The following STARD9 variants were observed in gnomAD, a reference collection of about 807,000 sequenced individuals.
The protein encoded by STARD9 is StAR related lipid transfer domain containing 9.
In STARD9, 346 loss-of-function variants were observed where a neutral mutation model predicts 399.8. The ratio of observed to expected loss-of-function variants is 0.87; its 90% confidence interval spans 0.79 to 0.95. The LOEUF (loss-of-function observed/expected upper bound fraction) is 0.95, where lower values mean the gene tolerates loss of function less well. STARD9 is among the 40% of genes least tolerant of loss of function. The probability of loss-of-function intolerance (pLI) is 0.00; values close to 1 mark genes in which losing one functional copy is unlikely to be tolerated. For synonymous variants in STARD9, 2,203 were observed against 2,143.5 expected (o/e 1.03, Z -0.77); for missense variants, 5,832 against 5,667.5 (o/e 1.03, Z -0.93).
intron 2 of STARD9, 35 bp from the exon 3 acceptor site, chr15:42,585,486 A>G: frequency 7.0e-7 from 1 of 1,430,696 alleles, no homozygotes; most frequent in Non-Finnish European, 9.5e-7. Flanking sequence ...TAATATTATG[A>G]TAGAAAAGAC....
At chr15:42,674,556 G>T in intron 17 of STARD9, 65 bp downstream of exon 17, 2 of 1,428,796 alleles carry the variant, frequency 1.4e-6, no homozygotes, top group South Asian at 2.5e-5. Context: ...AGGTTTCTTC[G>T]AGGACTTTGA....
At position 42,663,324 on chromosome 15, in the gene STARD9, C is replaced by A. The variant is rs1595728954; in HGVS notation, c.912C>A (p.Ser304Arg). 6 of 1,537,368 alleles carry A rather than the reference C, an allele frequency of 3.9e-6. No individual in the cohort carries two copies. Among genetic ancestry groups the A allele is most frequent in the Non-Finnish European group, 5.2e-6 (6 of 1,146,914 alleles). The change falls in exon 12 of 33, where the codon AGC (serine) becomes AGA (arginine). Residue 304 changes from serine to arginine, a missense_variant. Coordinates refer to ENST00000290607, the MANE Select transcript of STARD9 (RefSeq NM_020759.3). ...TCAGCAGCTGCCAGAGCCTCAACAG[C>A]TCAGTCAGCAATGGTGGTGACAGTG... ...QVFSSCQSLN[S>R]SVSNGGDSGI...
chr15:42,587,115 C>T (rs2058292205), intron 3 of STARD9, among the ~76,000 whole-genome samples: 1 of 152,082 alleles, frequency 6.6e-6, no homozygotes, highest in Non-Finnish European at 1.5e-5. Context: ...CTTGGCCTAC[C>T]AAAGTGCTGG....
chr15:42,648,741 A>G (rs2059695149), intron 7 of STARD9, among the ~76,000 whole-genome samples: 1 of 151,946 alleles, frequency 6.6e-6, no homozygotes, highest in African/African-American at 2.4e-5. Flanking sequence ...GTTCTTAGCC[A>G]TTACCTTTCC....
At chr15:42,584,704 T>G (rs77298618) in intron 2 of STARD9, among the ~76,000 whole-genome samples, 1,860 of 152,320 alleles carry the variant, frequency 0.012, 12 homozygotes, top group Non-Finnish European at 0.019. Context: ...CTTGAGCAGC[T>G]ACATTGCTTC....
intron 3 of STARD9, among the ~76,000 whole-genome samples, chr15:42,609,342 G>C (rs2058802245): frequency 6.6e-6 from 1 of 152,114 alleles, no homozygotes; most frequent in Non-Finnish European, 1.5e-5. Flanking sequence ...CTCAGTCAGT[G>C]TGTCATGAAC....
chr15:42,660,197 T>C (rs1029197021), intron 9 of STARD9, among the ~76,000 whole-genome samples: 1 of 152,208 alleles, frequency 6.6e-6, no homozygotes, highest in Non-Finnish European at 1.5e-5. Context: ...GGGAACAGAA[T>C]GACTGCAAAG....
chr15:42,575,659 G>A lies in STARD9; in HGVS notation c.-57G>A, dbSNP rs1595565439. 6.6e-7 allele frequency: 1 copy of A among 1,524,052 alleles called. No individual in the cohort carries two copies. The highest frequency in any genetic ancestry group is 8.8e-7 in the Non-Finnish European group (1 of 1,136,874). 94.4% of individuals were successfully genotyped at this position (1,524,052 alleles called of 1,614,324 possible). A position where few individuals can be genotyped will look rare whatever the true frequency, so the allele number is the denominator to read the frequency against. ...TTGGGGCTGTGTCTGGGCTTAGGGCGGGGGCCTGGGATGCTGCCGCTGAGC... is the reference window on the plus strand; with the variant it reads ...TTGGGGCTGTGTCTGGGCTTAGGGCAGGGGCCTGGGATGCTGCCGCTGAGC... On this transcript the variant is annotated 5_prime_UTR_variant, in exon 1 of 33. Transcript: ENST00000290607.
intron 3 of STARD9, among the ~76,000 whole-genome samples, chr15:42,614,105 G>A (rs1306636002): frequency 2.6e-5 from 4 of 152,076 alleles, no homozygotes; most frequent in African/African-American, 9.7e-5. Context: ...AAGGTCAGGA[G>A]TTCAAGACTG....
Position 42,691,024 on chromosome 15 carries a change from G to A in STARD9, c.9446G>A (p.Gly3149Glu), listed in dbSNP as rs2060681355. Residue 3149 changes from glycine to glutamate, a missense_variant, in exon 23 of 33, where the codon GGG (glycine) becomes GAG (glutamate). Transcript: ENST00000290607. ...CCACACACCCTGGATTTAAGTGAAG[G>A]GTCTGCTGAGAGCAAGTTGGTGGTA... is the stretch of plus-strand genomic sequence containing the variant. ...QGPHTLDLSE[G>E]SAESKLVVEP... 1 of 1,537,158 alleles carries A rather than the reference G, an allele frequency of 6.5e-7. No individual in the cohort carries two copies. Among genetic ancestry groups the A allele is most frequent in the East Asian group, 2.4e-5 (1 of 40,908 alleles).
At chr15:42,598,968 G>A (rs1011895004) in intron 3 of STARD9, among the ~76,000 whole-genome samples, 1 of 151,972 alleles carries the variant, frequency 6.6e-6, no homozygotes, top group African/African-American at 2.4e-5. Flanking sequence ...GTGTCATCCA[G>A]GCTGGAGTGC....
At chr15:42,645,563 ATT>A (rs773050530) in intron 7 of STARD9, among the ~76,000 whole-genome samples, 21 of 141,054 alleles carry the variant, frequency 1.5e-4, no homozygotes, top group Admixed American at 2.1e-4. Flanking sequence ...GGGCCCTAGG[ATT>A]TTTTTTTTTT....
chr15:42,695,774 C>A lies in STARD9; in HGVS notation c.13178C>A (p.Ser4393Tyr). The A allele has an allele frequency of 6.5e-7, 1 of 1,537,212 alleles. No individual in the cohort carries two copies. Among genetic ancestry groups the A allele is most frequent in the South Asian group, 1.2e-5 (1 of 84,054 alleles). The change falls in exon 26 of 33, where the codon TCC (serine) becomes TAC (tyrosine). Residue 4393 changes from serine to tyrosine, a missense_variant. Coordinates refer to ENST00000290607, the MANE Select transcript of STARD9 (RefSeq NM_020759.3). The stretch of plus-strand genomic sequence containing the variant: ...GATAAACTACATACCTTGGCCAATT[C>A]CAGCTCCCTGTGCACCAGCTCTAAT... Reference protein sequence around the residue: ...EEDKLHTLANSSSLCTSSNGS... With the variant: ...EEDKLHTLANYSSLCTSSNGS...
chr15:42,673,852 C>G (rs909080306), intron 16 of STARD9: 1 of 452,474 alleles, frequency 2.2e-6, no homozygotes, highest in Non-Finnish European at 4.4e-6. Flanking sequence ...TCCCCCTCCT[C>G]TCTTACACTC....
At chr15:42,589,473 G>A (rs1252728448) in intron 3 of STARD9, among the ~76,000 whole-genome samples, 1 of 152,040 alleles carries the variant, frequency 6.6e-6, no homozygotes. Flanking sequence ...ATTTCCCCAG[G>A]CCCTCACAAT....
At chr15:42,665,477 A>T (rs2060080945) in intron 14 of STARD9, 147 bp downstream of exon 14, 6 of 684,410 alleles carry the variant, frequency 8.8e-6, no homozygotes, top group South Asian at 7.7e-5. Flanking sequence ...CAAAACAGAG[A>T]TTTCTCTGAT....
chr15:42,673,843 C>T, intron 16 of STARD9: 2 of 445,146 alleles, frequency 4.5e-6, no homozygotes, highest in Non-Finnish European at 9.0e-6. Context: ...ACTCCAGTTT[C>T]CCCCTCCTCT....
At chr15:42,614,409 C>G (rs1295350773) in intron 3 of STARD9, among the ~76,000 whole-genome samples, 1 of 151,988 alleles carries the variant, frequency 6.6e-6, no homozygotes, top group Admixed American at 6.6e-5. Context: ...AGAGCAAAAC[C>G]GAATGGCCCA....
chr15:42,646,888 A>G (rs1475763854), intron 7 of STARD9, among the ~76,000 whole-genome samples: 1 of 152,198 alleles, frequency 6.6e-6, no homozygotes, highest in Non-Finnish European at 1.5e-5. Flanking sequence ...CTTAAAGGCC[A>G]TTGTAGGGTT....
Sources: allele counts gnomAD v4.1 joint callset (sites outside exome capture counted in the v4.1 genomes callset), GRCh38; gene constraint gnomAD v4.1.1; transcripts MANE v1.5; gene names NCBI Gene and HGNC (gene_info 2026-07-23, HGNC 2026-07-21).